CPEB2: variants seen among roughly 807,000 people sequenced by gnomAD.
The protein encoded by CPEB2 is cytoplasmic polyadenylation element binding protein 2.
CPEB2 carries 56 observed loss-of-function variants against 93.6 expected under a neutral mutation model. That is an observed-to-expected ratio of 0.60 (90% confidence interval 0.48 to 0.75). The LOEUF is 0.75. CPEB2 is among the 30% of genes least tolerant of loss of function. The pLI is 0.00. For synonymous variants in CPEB2, 764 were observed against 586.3 expected, an observed-to-expected ratio of 1.30 and a Z score of -4.38; for missense variants, 1,579 against 1,395.1, an observed-to-expected ratio of 1.13 and a Z score of -2.10.
At chr4:15,057,117 A>C in intron 8 of CPEB2, among the ~76,000 whole-genome samples, 1 of 152,194 alleles carries the variant, frequency 6.6e-6, no homozygotes, top group East Asian at 1.9e-4. Context: ...TAGTTCCCAG[A>C]TTATTATTTT....
At chr4:15,066,034 G>A in intron 11 of CPEB2, 119 bp from the exon 12 acceptor site, 1 of 792,266 alleles carries the variant, frequency 1.3e-6, no homozygotes, top group Non-Finnish European at 2.1e-6. Context: ...TTGAGAAACT[G>A]CCCATTTCCT....
At chr4:15,040,698 CT>C (rs1727087936) in intron 6 of CPEB2, among the ~76,000 whole-genome samples, 1 of 152,102 alleles carries the variant, frequency 6.6e-6, no homozygotes, top group Non-Finnish European at 1.5e-5. Flanking sequence ...AAATTTTCCC[CT>C]TTTAAACTGC....
chr4:15,025,026 T>C (rs1725290540), intron 4 of CPEB2, among the ~76,000 whole-genome samples: 1 of 152,170 alleles, frequency 6.6e-6, no homozygotes, highest in African/African-American at 2.4e-5. Flanking sequence ...ATTACAGGCA[T>C]GAGCCACCAT....
chr4:15,052,009 A>AT (rs1266642976), intron 6 of CPEB2, among the ~76,000 whole-genome samples: 5 of 152,254 alleles, frequency 3.3e-5, no homozygotes, highest in South Asian at 2.1e-4. Flanking sequence ...TCTACAAGTG[A>AT]TTTTTTATAA....
intron 5 of CPEB2, among the ~76,000 whole-genome samples, chr4:15,036,254 A>G (rs1045136072): frequency 1.3e-5 from 2 of 152,218 alleles, no homozygotes; most frequent in African/African-American, 4.8e-5. Flanking sequence ...CAATAAAAAA[A>G]CCATATAAAT....
Position 15,002,535 on chromosome 4 carries a change from G to A in CPEB2, c.-139G>A, listed in dbSNP as rs1247466698. 4.8e-6 allele frequency: 3 copies of A among 619,912 alleles called. No homozygotes were observed. The highest frequency in any genetic ancestry group is 7.5e-6 in the Non-Finnish European group (3 of 400,292). The allele number at this position is 619,912 out of a possible 1,614,324, so 38.4% of individuals were successfully genotyped here. A position where few individuals can be genotyped will look rare whatever the true frequency, so the allele number is the denominator to read the frequency against. ...GAGGGGTGGTGGGGCCGAAGTCGGT[G>A]CCCCCTGGCTCAGTCACGGTGTCCC... On this transcript the variant is annotated 5_prime_UTR_variant, in exon 1 of 12. Transcript: ENST00000538197.
At chr4:15,005,594 T>C (rs971688590) in intron 1 of CPEB2, among the ~76,000 whole-genome samples, 1 of 152,208 alleles carries the variant, frequency 6.6e-6, no homozygotes, top group African/African-American at 2.4e-5. Context: ...GATTAAGGAT[T>C]GACAGAGACG....
intron 9 of CPEB2, 115 bp downstream of exon 9, chr4:15,058,654 T>C (rs962846758): frequency 3.0e-6 from 2 of 674,150 alleles, no homozygotes; most frequent in East Asian, 2.7e-5. Flanking sequence ...GTTTTAGTTT[T>C]TGAAACATCC....
chr4:15,011,188 C>T (rs2108966480), intron 3 of CPEB2, among the ~76,000 whole-genome samples: 1 of 149,450 alleles, frequency 6.7e-6, no homozygotes, highest in East Asian at 2.0e-4. Flanking sequence ...GCAACCTCTG[C>T]CTCCCGGGTT....
At chr4:15,038,228 C>T (rs1577424829) in intron 5 of CPEB2, among the ~76,000 whole-genome samples, 1 of 152,104 alleles carries the variant, frequency 6.6e-6, no homozygotes, top group Non-Finnish European at 1.5e-5. Flanking sequence ...GGAATGAAAA[C>T]TTAAGATGCT....
At chr4:15,038,602 T>TC (rs1410771611) in intron 5 of CPEB2, among the ~76,000 whole-genome samples, 4 of 151,096 alleles carry the variant, frequency 2.6e-5, no homozygotes, top group Admixed American at 2.0e-4. Context: ...TTTTTTTTTT[T>TC]CTTTGAGACG....
intron 4 of CPEB2, among the ~76,000 whole-genome samples, chr4:15,023,864 A>G (rs530304385): frequency 3.2e-4 from 49 of 152,076 alleles, no homozygotes; most frequent in African/African-American, 9.9e-4. Flanking sequence ...ATATCCTTCA[A>G]TATTTCCCCT....
intron 10 of CPEB2, among the ~76,000 whole-genome samples, chr4:15,060,262 A>G (rs1729068397): frequency 6.6e-6 from 1 of 152,248 alleles, no homozygotes; most frequent in East Asian, 1.9e-4. Context: ...TACAAGTCTA[A>G]TAGACTAACT....
chr4:15,059,328 TA>T (rs556804440), intron 10 of CPEB2, 27 bp downstream of exon 10: 3 of 1,425,962 alleles, frequency 2.1e-6, no homozygotes, highest in Non-Finnish European at 3.0e-6. Flanking sequence ...CAATTTTGTT[TA>T]AAAAAATCAT....
chr4:15,050,820 C>T lies in CPEB2; in HGVS notation c.2201-1594C>T, dbSNP rs540665214. On this transcript the variant is annotated intron_variant, in intron 6 of 11. Coordinates refer to ENST00000538197, the MANE Select transcript of CPEB2 (RefSeq NM_001177382.2). ...CCAAGGAACTGTCCTCATCATTTCTCGCTGGAGTGTTTATCATTGATGTTA... is the reference window on the plus strand; with the variant it reads ...CCAAGGAACTGTCCTCATCATTTCTTGCTGGAGTGTTTATCATTGATGTTA... Among the ~76,000 whole-genome samples the T allele has an allele frequency of 4.6e-5, 7 of 152,242 alleles. 1 individual carries two copies. Among genetic ancestry groups the T allele is most frequent in the African/African-American group, 1.7e-4 (7 of 41,568 alleles).
intron 4 of CPEB2, among the ~76,000 whole-genome samples, chr4:15,027,848 A>C (rs1214044920): frequency 6.6e-6 from 1 of 152,124 alleles, no homozygotes; most frequent in Non-Finnish European, 1.5e-5. Context: ...AACTCATTTA[A>C]TTTGCATGAC....
intron 6 of CPEB2, among the ~76,000 whole-genome samples, chr4:15,050,905 A>T (rs1218670815): frequency 6.6e-6 from 1 of 152,214 alleles, no homozygotes. Context: ...CAGAAATATG[A>T]CATTTCTTTT....
At chr4:15,004,825 T>G (rs1722566904) in intron 1 of CPEB2, 1 of 150,710 alleles carries the variant, frequency 6.6e-6, no homozygotes, top group African/African-American at 2.5e-5. Context: ...AGAGCGGCCG[T>G]GGGAAGTGAA....
At chr4:15,005,036 T>G (rs1382734984) in intron 1 of CPEB2, 1 of 151,970 alleles carries the variant, frequency 6.6e-6, no homozygotes, top group Non-Finnish European at 1.5e-5. Flanking sequence ...CTCCGCCCGA[T>G]CAACCTGCTG....
Sources: allele counts gnomAD v4.1 joint callset (sites outside exome capture counted in the v4.1 genomes callset), GRCh38; gene constraint gnomAD v4.1.1; transcripts MANE v1.5; gene names NCBI Gene and HGNC (gene_info 2026-07-23, HGNC 2026-07-21).